The following MRAS variants were observed in gnomAD, a reference collection of about 807,000 sequenced individuals.
MRAS encodes the protein ras-related protein M-Ras.
In MRAS, 4 loss-of-function variants were observed where a neutral mutation model predicts 20.9. That is an observed-to-expected ratio of 0.19 (90% confidence interval 0.09 to 0.44). MRAS has a LOEUF of 0.44. Among genes scored for constraint, MRAS ranks in the 20% least tolerant of loss-of-function variants. The pLI, the probability that MRAS is intolerant of heterozygous loss-of-function variation, is 0.99. For missense variants in MRAS, 154 were observed against 277.5 expected, an observed-to-expected ratio of 0.56 and a Z score of 3.16; for synonymous variants, 98 against 102.9, an observed-to-expected ratio of 0.95 and a Z score of 0.29.
chr3:138,372,717 G>A (rs1288984204), intron 1 of MRAS, 149 bp from the exon 2 acceptor site: 1 of 573,048 alleles, frequency 1.7e-6, no homozygotes, highest in Non-Finnish European at 2.8e-6. Flanking sequence ...GTGAGACCAG[G>A]GGTAATGCTT....
chr3:138,399,734 C>T (rs1490150441), intron 4 of MRAS, among the ~76,000 whole-genome samples: 1 of 152,236 alleles, frequency 6.6e-6, no homozygotes, highest in South Asian at 2.1e-4. Context: ...GTTCCCCACC[C>T]TGCTCCCCGC....
At chr3:138,356,130 CA>C (rs1429483635) in intron 1 of MRAS, among the ~76,000 whole-genome samples, 1 of 152,210 alleles carries the variant, frequency 6.6e-6, no homozygotes, top group Non-Finnish European at 1.5e-5. Context: ...TGGAAATCCA[CA>C]TATGTGTTAT....
intron 1 of MRAS, among the ~76,000 whole-genome samples, chr3:138,359,118 G>T (rs2054394537): frequency 6.6e-6 from 1 of 152,334 alleles, no homozygotes; most frequent in African/African-American, 2.4e-5. Flanking sequence ...GACAGGCCTT[G>T]CCTCGCAGGA....
At chr3:138,362,618 G>A (rs1012808216) in intron 1 of MRAS, among the ~76,000 whole-genome samples, 1 of 152,144 alleles carries the variant, frequency 6.6e-6, no homozygotes, top group African/African-American at 2.4e-5. Flanking sequence ...CAGCCATCTA[G>A]CAAGCCTACA....
chr3:138,357,330 C>G (rs749677133), intron 1 of MRAS, among the ~76,000 whole-genome samples: 23 of 152,244 alleles, frequency 1.5e-4, no homozygotes, highest in Non-Finnish European at 3.1e-4. Context: ...CAGGGACTTT[C>G]AGTCCTCCCT....
chr3:138,382,250 G>A (rs1436325723), intron 2 of MRAS, among the ~76,000 whole-genome samples: 1 of 152,222 alleles, frequency 6.6e-6, no homozygotes, highest in Non-Finnish European at 1.5e-5. Flanking sequence ...CCAGGGCAGT[G>A]CTCTCTGGTA....
intron 1 of MRAS, among the ~76,000 whole-genome samples, chr3:138,365,192 A>C (rs1387211846): frequency 6.6e-6 from 1 of 152,252 alleles, no homozygotes; most frequent in Admixed American, 6.5e-5. Flanking sequence ...GTGAGAATTA[A>C]AATATTCCAA....
intron 1 of MRAS, among the ~76,000 whole-genome samples, chr3:138,370,290 G>A (rs924299268): frequency 2.0e-5 from 3 of 152,222 alleles, no homozygotes; most frequent in African/African-American, 4.8e-5. Context: ...CTGCACTCCC[G>A]TCTGGGTGAC....
At chr3:138,348,946 C>T (rs1560155087) in intron 1 of MRAS, 179 bp downstream of exon 1, 1 of 152,174 alleles carries the variant, frequency 6.6e-6, no homozygotes, top group Non-Finnish European at 1.5e-5. Context: ...CGCGGGCTCC[C>T]GCGTAACGGT....
chr3:138,393,438 A>G (rs2055170510), intron 2 of MRAS, among the ~76,000 whole-genome samples: 1 of 151,930 alleles, frequency 6.6e-6, no homozygotes, highest in African/African-American at 2.4e-5. Flanking sequence ...TTTCTCTTTG[A>G]TGGTTTTATT....
chr3:138,392,138 A>C (rs1048337245), intron 2 of MRAS, among the ~76,000 whole-genome samples: 2 of 152,194 alleles, frequency 1.3e-5, no homozygotes, highest in Admixed American at 6.5e-5. Flanking sequence ...CTCCATCTCA[A>C]AAAAACAAAA....
chr3:138,367,043 G>T (rs1245929425), intron 1 of MRAS, among the ~76,000 whole-genome samples: 10 of 152,196 alleles, frequency 6.6e-5, no homozygotes, highest in Admixed American at 6.5e-4. Flanking sequence ...AATTTCGTGA[G>T]GGGTAAGACC....
At chr3:138,348,462 C>T (rs2054158977), upstream of MRAS, 1 of 152,070 alleles carries the variant, frequency 6.6e-6, no homozygotes, top group Admixed American at 6.5e-5. Context: ...GGGGTGCACG[C>T]GGGGGCGACA....
At chr3:138,351,642 G>A (rs1285653807) in intron 1 of MRAS, among the ~76,000 whole-genome samples, 1 of 152,168 alleles carries the variant, frequency 6.6e-6, no homozygotes, top group Non-Finnish European at 1.5e-5. Context: ...CCAAATAACA[G>A]TAAGTAAGAT....
chr3:138,380,858 C>T (rs1237260058), intron 2 of MRAS, among the ~76,000 whole-genome samples: 1 of 150,688 alleles, frequency 6.6e-6, no homozygotes, highest in Non-Finnish European at 1.5e-5. Context: ...CAGCCTCCGC[C>T]TCCCGGGTTC....
chr3:138,388,635 G>T (rs2055066055), intron 2 of MRAS, among the ~76,000 whole-genome samples: 1 of 152,106 alleles, frequency 6.6e-6, no homozygotes, highest in Admixed American at 6.5e-5. Context: ...GCAGGCAGAG[G>T]TTGCAGTGAG....
intron 2 of MRAS, among the ~76,000 whole-genome samples, chr3:138,390,761 C>G (rs2055116663): frequency 6.6e-6 from 1 of 152,244 alleles, no homozygotes; most frequent in Admixed American, 6.5e-5. Flanking sequence ...CCTGCTAGCC[C>G]TCCCAGACCA....
intron 1 of MRAS, among the ~76,000 whole-genome samples, chr3:138,359,911 A>G (rs1202164697): frequency 6.6e-6 from 1 of 152,194 alleles, no homozygotes; most frequent in African/African-American, 2.4e-5. Flanking sequence ...AAACTTTTTC[A>G]TTGGTGGCCA....
At chr3:138,388,570 G>A (rs144708490) in intron 2 of MRAS, among the ~76,000 whole-genome samples, 11 of 152,106 alleles carry the variant, frequency 7.2e-5, no homozygotes, top group East Asian at 2.0e-4. Flanking sequence ...GTGGGGATGC[G>A]CACCTGTAAT....
Sources: gnomAD v4.1 joint callset for allele counts (sites outside exome capture counted in the v4.1 genomes callset) on GRCh38, gnomAD v4.1.1 for gene constraint, MANE v1.5 for transcripts, NCBI Gene and HGNC (gene_info 2026-07-23, HGNC 2026-07-21) for gene names.